The following CRYBG2 variants were observed in gnomAD, a reference collection of about 807,000 sequenced individuals.
CRYBG2 encodes crystallin beta-gamma domain containing 2, also known as beta/gamma crystallin domain-containing protein 2.
A neutral mutation model predicts 153.4 loss-of-function variants in CRYBG2; 106 were observed. The ratio of observed to expected loss-of-function variants is 0.69; its 90% CI spans 0.59 to 0.81. The LOEUF is 0.81. Among genes scored for constraint, CRYBG2 ranks in the 30% least tolerant of loss-of-function variants. CRYBG2 has a pLI of 0.00. For synonymous variants in CRYBG2, 851 were observed against 877.8 expected (o/e 0.97, Z 0.54); for missense variants, 1,996 against 2,112.0 (o/e 0.95, Z 1.08).
chr1:26,351,075 A>T (rs1321955798), intron 1 of CRYBG2, among the ~76,000 whole-genome samples: 1 of 151,986 alleles, frequency 6.6e-6, no homozygotes, highest in African/African-American at 2.4e-5. Flanking sequence ...TCCAAGGGGG[A>T]CTGGAAGGTG....
At chr1:26,342,194 G>A (rs1168796644) in intron 5 of CRYBG2, among the ~76,000 whole-genome samples, 3 of 152,122 alleles carry the variant, frequency 2.0e-5, no homozygotes, top group Non-Finnish European at 2.9e-5. Context: ...TCTTGTCTCT[G>A]CTGCTCTGTC....
intron 1 of CRYBG2, among the ~76,000 whole-genome samples, chr1:26,353,315 C>A (rs2074305375): frequency 6.6e-6 from 1 of 152,212 alleles, no homozygotes; most frequent in African/African-American, 2.4e-5. Flanking sequence ...CAAAACCCCA[C>A]CCCAGGCTCA....
intron 1 of CRYBG2, among the ~76,000 whole-genome samples, chr1:26,347,871 C>T (rs1379172790): frequency 6.6e-6 from 1 of 152,162 alleles, no homozygotes; most frequent in East Asian, 1.9e-4. Flanking sequence ...AGTGATCCTC[C>T]CACCTTGGCC....
At position 26,346,188 on chromosome 1, in the gene CRYBG2, G is replaced by A; in HGVS notation, c.470C>T (p.Pro157Leu). The change falls in exon 2 of 20, where the codon CCA becomes CTA. Residue 157 changes from proline to leucine, a missense_variant. Physicochemically the swap from Pro to Leu is moderately conservative, Grantham distance 98 (BLOSUM62 -3). Coordinates refer to ENST00000308182, the MANE Select transcript of CRYBG2 (RefSeq NM_001039775.4). The surrounding 1 kb of genome is among the most constrained non-coding windows in gnomAD (Gnocchi z 4.9). ...LPGPREPSPH[P>L]GVGLTSGSSR... The stretch of plus-strand genomic sequence containing the variant: ...GCTACCACTGGTGAGACCTACACCT[G>A]GGTGGGGACTTGGCTCTCGGGGCCC... The A allele has an allele frequency of 3.2e-6, 5 of 1,571,614 alleles. No homozygotes were observed. Among genetic ancestry groups the A allele is most frequent in the Non-Finnish European group, 4.3e-6 (5 of 1,165,538 alleles).
At chr1:26,327,492 A>AAAAAC (rs2073946060) in intron 17 of CRYBG2, among the ~76,000 whole-genome samples, 1 of 148,378 alleles carries the variant, frequency 6.7e-6, no homozygotes, top group Non-Finnish European at 1.5e-5. Context: ...AAAAAAAAAA[A>AAAAAC]CCAAAAATTA....
At chr1:26,351,216 G>T (rs915798106) in intron 1 of CRYBG2, among the ~76,000 whole-genome samples, 2 of 152,088 alleles carry the variant, frequency 1.3e-5, no homozygotes, top group African/African-American at 4.8e-5. Context: ...TCCCCATTAG[G>T]GAGCTCCCTT....
chr1:26,346,782 C>T lies in CRYBG2; in HGVS notation c.-55-70G>A, dbSNP rs1007037480. ...GGCTTCCTAAAGTGCAGAATAACCA[C>T]CCCTACCCAAGTCAGGCTGGGAACC... On this transcript the variant is annotated intron_variant, in intron 1 of 19. Transcript: ENST00000308182. The surrounding 1 kb of genome is among the most constrained non-coding windows in gnomAD (Gnocchi z 4.9). 2.0e-5 allele frequency: 21 copies of T among 1,051,618 alleles called. No homozygotes were observed. The highest frequency in any genetic ancestry group is 2.5e-5 in the Non-Finnish European group (19 of 750,072). The allele number at this position is 1,051,618 out of a possible 1,614,324, so 65.1% of individuals were successfully genotyped here. A position where few individuals can be genotyped will look rare whatever the true frequency, so the allele number is the denominator to read the frequency against.
chr1:26,340,392 A>G (rs1266444949), intron 5 of CRYBG2, among the ~76,000 whole-genome samples: 1 of 152,188 alleles, frequency 6.6e-6, no homozygotes, highest in Non-Finnish European at 1.5e-5. Flanking sequence ...TAAGTAGCAG[A>G]GCAGTATAGT....
chr1:26,352,821 C>G (rs550564394), intron 1 of CRYBG2, among the ~76,000 whole-genome samples: 91 of 151,298 alleles, frequency 6.0e-4, no homozygotes, highest in African/African-American at 2.2e-3. Flanking sequence ...GCCCTTGTCC[C>G]CCAGCCCCTG....
At chr1:26,341,328 G>C (rs916711001) in intron 5 of CRYBG2, among the ~76,000 whole-genome samples, 1 of 151,602 alleles carries the variant, frequency 6.6e-6, no homozygotes, top group African/African-American at 2.4e-5. Context: ...GCAACAGAGC[G>C]AGACTCTGTC....
At position 26,346,410 on chromosome 1, in the gene CRYBG2, T is replaced by G; in HGVS notation, c.248A>C (p.Asp83Ala). Residue 83 changes from aspartate to alanine, a missense_variant, in exon 2 of 20, where the codon GAT (aspartate) becomes GCT (alanine). Coordinates refer to ENST00000308182, the MANE Select transcript of CRYBG2 (RefSeq NM_001039775.4). This position sits in a 1 kb window ranked among gnomAD's most constrained non-coding sequence, Gnocchi z 4.9. ...EETVNCQGPR[D>A]TAGSKNFQSH... The stretch of plus-strand genomic sequence containing the variant: ...CTGGAAGTTCTTGGAGCCAGCTGTA[T>G]CCCGAGGGCCCTGGCAATTCACAGT... The G allele has an allele frequency of 1.2e-6, 2 of 1,600,326 alleles. No homozygotes were observed. Among genetic ancestry groups the G allele is most frequent in the Non-Finnish European group, 1.7e-6 (2 of 1,179,650 alleles).
rs745367293 is a variant in CRYBG2, at chr1:26,336,957, C to G, written c.3795G>C (p.Val1265=). ...IRTDFGDPAV[V]LFEAMDFEGH... ...CCTCGAAGTCCATGGCCTCAAATAGCACGACGGCCGGGTCCCCGAAGTCCT... is the reference window on the plus strand; with the variant it reads ...CCTCGAAGTCCATGGCCTCAAATAGGACGACGGCCGGGTCCCCGAAGTCCT... Residue 1265 remains valine, a synonymous_variant, in exon 11 of 20, where the codon GTG becomes GTC. Transcript: ENST00000308182. The surrounding 1 kb of genome is among the most constrained non-coding windows in gnomAD (Gnocchi z 4.9). The G allele has an allele frequency of 6.2e-7, 1 of 1,613,654 alleles. No individual in the cohort carries two copies.
At position 26,342,771 on chromosome 1, in the gene CRYBG2, G is replaced by A. The variant is rs2074147033; in HGVS notation, c.3187C>T (p.Leu1063=). The change falls in exon 5 of 20, where the codon CTA becomes TTA. Residue 1063 remains leucine (L), a synonymous_variant. Transcript: ENST00000308182. ...TKWSPQGIGS[L]RRVVWDYSTP... is the part of the protein sequence containing the mutation. The stretch of plus-strand genomic sequence containing the variant: ...TCACTCACCCAGACAACCCTCCTTA[G>A]GGAGCCGATGCCTTGGGGACTCCAC... 8 of 1,613,714 alleles carry A rather than the reference G, an allele frequency of 5.0e-6. No individual in the cohort carries two copies. Among genetic ancestry groups the A allele is most frequent in the African/African-American group, 1.3e-5 (1 of 74,906 alleles).
rs2074052376 is a variant in CRYBG2, at chr1:26,336,207, T to G, written c.4072A>C (p.Ile1358Leu). ...GEHDLHFVSK[I>L]QLFSRPDFLG... Reference sequence around the variant, plus strand: ...AAGTCGGGGCGGGAGAAAAGCTGAATCTGGAGGCAGAGAGGGGAGATGAGG... The same window carrying G: ...AAGTCGGGGCGGGAGAAAAGCTGAAGCTGGAGGCAGAGAGGGGAGATGAGG... The change falls in exon 14 of 20, where the codon ATT (isoleucine) becomes CTT (leucine). Residue 1358 changes from isoleucine to leucine, a missense_variant and splice_region_variant. By Grantham distance (5) the Ile-to-Leu change is conservative. Transcript: ENST00000308182. This position sits in a 1 kb window ranked among gnomAD's most constrained non-coding sequence, Gnocchi z 4.9. 1 of 1,555,502 alleles carries G rather than the reference T, an allele frequency of 6.4e-7. No individual in the cohort carries two copies.
chr1:26,337,000 C>A lies in CRYBG2; in HGVS notation c.3772-20G>T, dbSNP rs765778546. The A allele has an allele frequency of 5.0e-6, 8 of 1,612,652 alleles. No individual in the cohort carries two copies. The highest frequency in any genetic ancestry group is 6.8e-6 in the Non-Finnish European group (8 of 1,179,568). ...GAAGTCCTGGGTCCCCAGGGACAGTCAGGTCTCTCCCGCCCACAAACCGAA... is the reference window on the plus strand; with the variant it reads ...GAAGTCCTGGGTCCCCAGGGACAGTAAGGTCTCTCCCGCCCACAAACCGAA... On this transcript the variant is annotated intron_variant, in intron 10 of 19. Transcript: ENST00000308182. This position sits in a 1 kb window ranked among gnomAD's most constrained non-coding sequence, Gnocchi z 4.9.
intron 14 of CRYBG2, among the ~76,000 whole-genome samples, chr1:26,332,946 T>C (rs990164611): frequency 7.0e-6 from 1 of 142,716 alleles, no homozygotes; most frequent in Non-Finnish European, 1.5e-5. Context: ...TATATGGAAA[T>C]GTATGAGTGT....
intron 16 of CRYBG2, 187 bp from the exon 17 acceptor site, chr1:26,328,519 G>C (rs1277344682): frequency 3.5e-6 from 4 of 1,147,982 alleles, no homozygotes; most frequent in South Asian, 3.2e-5. Context: ...GGGTTTTCAG[G>C]GTAAAGAAGG....
In CRYBG2 at chr1:26,321,980, G is replaced by A. The variant is rs766907131; in HGVS notation, c.4974C>T (p.Ile1658=). 1 of 1,587,650 alleles carries A rather than the reference G, an allele frequency of 6.3e-7. No individual in the cohort carries two copies. Among genetic ancestry groups the A allele is most frequent in the South Asian group, 1.1e-5 (1 of 89,904 alleles). ...DEDRASQIWT[I]HVL ...GAGGGGAAAAGTTTCAAAGCACGTG[G>A]ATAGTCCAGATCTGGGATGCCCTGT... The change falls in exon 20 of 20, where the codon ATC becomes ATT. Residue 1658 remains isoleucine (I), a synonymous_variant. Coordinates refer to ENST00000308182, the MANE Select transcript of CRYBG2 (RefSeq NM_001039775.4).
chr1:26,325,610 TACAC>T lies in CRYBG2; in HGVS notation c.4579-1304_4579-1301del, dbSNP rs56092779. On this transcript the variant is annotated intron_variant, in intron 17 of 19. Transcript: ENST00000308182. This position sits in a 1 kb window ranked among gnomAD's most constrained non-coding sequence, Gnocchi z 4.1. ...AAAAAAATGAATGCACTCCCACAGA[TACAC>T]ACACACACACACACACACACACACA... Among the ~76,000 whole-genome samples the T allele has an allele frequency of 0.22, 33,166 of 148,940 alleles. 3,842 individuals carry two copies. The highest frequency in any genetic ancestry group is 0.27 in the Non-Finnish European group (18,131 of 67,330).
Sources: gnomAD v4.1 joint callset for allele counts (sites outside exome capture counted in the v4.1 genomes callset) on GRCh38, gnomAD v4.1.1 for gene constraint, Gnocchi (gnomAD v3.1) non-coding constraint, MANE v1.5 for transcripts, NCBI Gene and HGNC (gene_info 2026-07-23, HGNC 2026-07-21) for gene names.